CLVS1: variants seen among roughly 807,000 people sequenced by gnomAD.
The protein encoded by CLVS1 is clavesin-1.
Under a neutral mutation model 33.1 loss-of-function variants are expected in CLVS1, and 10 were observed. The ratio of observed to expected loss-of-function variants is 0.30; its 90% confidence interval spans 0.19 to 0.51. The LOEUF (loss-of-function observed/expected upper bound fraction) is 0.51, where lower values mean the gene tolerates loss of function less well. CLVS1 is among the 20% of genes least tolerant of loss of function. CLVS1 has a pLI of 0.97. For missense variants in CLVS1, 343 were observed against 433.4 expected (o/e 0.79, Z 1.85); for synonymous variants, 163 against 166.1 (o/e 0.98, Z 0.14).
At chr8:61,216,640 G>T (rs925836905) in intron 2 of CLVS1, among the ~76,000 whole-genome samples, 5 of 152,186 alleles carry the variant, frequency 3.3e-5, no homozygotes, top group Non-Finnish European at 7.4e-5. Flanking sequence ...TTTTATCCAG[G>T]GCAGTGAAAA....
chr8:61,450,973 A>T (rs150496812), intron 3 of CLVS1, among the ~76,000 whole-genome samples: 1 of 152,172 alleles, frequency 6.6e-6, no homozygotes, highest in Non-Finnish European at 1.5e-5. Context: ...GAGCTTAGGT[A>T]TGATTCTTCC....
At chr8:61,309,778 T>A (rs1203263491) in intron 2 of CLVS1, among the ~76,000 whole-genome samples, 1 of 152,206 alleles carries the variant, frequency 6.6e-6, no homozygotes, top group Non-Finnish European at 1.5e-5. Flanking sequence ...CTCTGTGGTG[T>A]GATTTGGCAG....
chr8:61,354,489 A>G (rs529696654), intron 2 of CLVS1, among the ~76,000 whole-genome samples: 1 of 152,252 alleles, frequency 6.6e-6, no homozygotes, highest in East Asian at 1.9e-4. Flanking sequence ...CATTTATCTC[A>G]GATAAATAAA....
chr8:61,113,032 T>C (rs1805657199), intron 1 of CLVS1, among the ~76,000 whole-genome samples: 1 of 152,162 alleles, frequency 6.6e-6, no homozygotes, highest in South Asian at 2.1e-4. Flanking sequence ...CTATGGCATC[T>C]GGAGCATTGG....
intron 5 of CLVS1, among the ~76,000 whole-genome samples, chr8:61,488,676 C>T (rs1205704676): frequency 6.6e-6 from 1 of 152,108 alleles, no homozygotes; most frequent in Non-Finnish European, 1.5e-5. Context: ...TCTTTCATGG[C>T]CCTGTGGAGA....
Position 61,233,944 on chromosome 8 carries a change from G to A in CLVS1, c.-151-65733G>A, listed in dbSNP as rs538942197. Among the ~76,000 whole-genome samples the A allele has an allele frequency of 4.6e-5, 7 of 152,254 alleles. No homozygotes were observed. In the South Asian group the frequency reaches 1.0e-3, roughly 23 times the overall value. ...TTTGGCTTGGTTTTCTTGGAGACTC[G>A]CTCTCTCTCTCTTTCTTTTGGTGAG... On this transcript the variant is annotated intron_variant, in intron 2 of 2. Coordinates refer to the CLVS1 transcript ENST00000522621.
At chr8:61,305,905 T>C (rs1810608115) in intron 2 of CLVS1, among the ~76,000 whole-genome samples, 1 of 152,240 alleles carries the variant, frequency 6.6e-6, no homozygotes, top group African/African-American at 2.4e-5. Flanking sequence ...TTTTTGTGGC[T>C]GCATAGTATT....
intron 2 of CLVS1, among the ~76,000 whole-genome samples, chr8:61,226,764 T>TG (rs1404721168): frequency 2.0e-5 from 3 of 152,022 alleles, no homozygotes; most frequent in Admixed American, 2.0e-4. Context: ...AGGGTCAAAC[T>TG]GGGGGGAAAG....
intron 1 of CLVS1, among the ~76,000 whole-genome samples, chr8:61,057,634 A>G (rs1335153468): frequency 6.6e-6 from 1 of 152,176 alleles, no homozygotes; most frequent in Admixed American, 6.5e-5. Context: ...GTCAGAAGAA[A>G]AAAAAAAACC....
chr8:61,377,073 T>C, intron 3 of CLVS1: 1 of 276,292 alleles, frequency 3.6e-6, no homozygotes, highest in Non-Finnish European at 6.7e-6. Context: ...TTCACAAAAA[T>C]TAAAACTAGG....
intron 1 of CLVS1, among the ~76,000 whole-genome samples, chr8:61,117,962 T>C (rs539540469): frequency 0.019 from 2,821 of 152,320 alleles, 38 homozygotes; most frequent in Non-Finnish European, 0.028. Context: ...AGTTCCTCCT[T>C]GTACCTCTGG....
intron 2 of CLVS1, among the ~76,000 whole-genome samples, chr8:61,260,033 C>T (rs186408111): frequency 6.6e-6 from 1 of 152,292 alleles, no homozygotes; most frequent in Non-Finnish European, 1.5e-5. Context: ...ATGCATAACC[C>T]CCATATCTGA....
At chr8:61,309,866 A>G (rs886089685) in intron 2 of CLVS1, among the ~76,000 whole-genome samples, 3 of 152,220 alleles carry the variant, frequency 2.0e-5, no homozygotes, top group Admixed American at 1.3e-4. Flanking sequence ...TCTTCAAACT[A>G]TAAATAAGCC....
intron 2 of CLVS1, among the ~76,000 whole-genome samples, chr8:61,200,799 T>C (rs1328695701): frequency 1.3e-5 from 2 of 152,262 alleles, no homozygotes. Flanking sequence ...AATTATTTCA[T>C]TTATTTCTTC....
intron 5 of CLVS1, among the ~76,000 whole-genome samples, chr8:61,489,386 G>C (rs1466267865): frequency 6.6e-6 from 1 of 152,166 alleles, no homozygotes; most frequent in African/African-American, 2.4e-5. Context: ...ATCAGATCTG[G>C]GTTCCCGTTC....
chr8:61,213,559 T>C (rs1808016430), intron 2 of CLVS1, among the ~76,000 whole-genome samples: 1 of 151,870 alleles, frequency 6.6e-6, no homozygotes, highest in Non-Finnish European at 1.5e-5. Flanking sequence ...ATGCCTGTCT[T>C]TACTGCAATC....
intron 1 of CLVS1, among the ~76,000 whole-genome samples, chr8:61,296,987 G>A (rs192034914): frequency 1.3e-5 from 2 of 152,278 alleles, no homozygotes; most frequent in East Asian, 3.9e-4. Flanking sequence ...GCCAGGAAGG[G>A]TTTCCTGCGG....
intron 1 of CLVS1, among the ~76,000 whole-genome samples, chr8:61,113,265 CA>C (rs1284467998): frequency 6.6e-6 from 1 of 152,104 alleles, no homozygotes; most frequent in African/African-American, 2.4e-5. Flanking sequence ...TTGAGAACAG[CA>C]GCGCAAAAAT....
chr8:61,483,423 T>C (rs970439674), intron 5 of CLVS1, among the ~76,000 whole-genome samples: 1 of 152,068 alleles, frequency 6.6e-6, no homozygotes, highest in African/African-American at 2.4e-5. Flanking sequence ...ACACCAATAA[T>C]AGGTTCTGAA....
Sources: gnomAD v4.1 joint callset for allele counts (sites outside exome capture counted in the v4.1 genomes callset) on GRCh38, gnomAD v4.1.1 for gene constraint, MANE v1.5 for transcripts, NCBI Gene and HGNC (gene_info 2026-07-23, HGNC 2026-07-21) for gene names.